The following ITPR1 variants were observed in gnomAD, a reference collection of about 807,000 sequenced individuals.
ITPR1 encodes inositol 1,4,5-trisphosphate-gated calcium channel ITPR1.
Under a neutral mutation model 318.4 loss-of-function variants are expected in ITPR1, and 96 were observed. The observed-to-expected ratio is 0.30, with a 90% confidence interval of 0.26 to 0.36. The LOEUF is 0.36. ITPR1 is among the 10% of genes least tolerant of loss of function. ITPR1 has a pLI of 1.00. For missense variants in ITPR1, 2,440 were observed against 3,460.2 expected (o/e 0.71, Z 7.40); for synonymous variants, 1,312 against 1,289.9 (o/e 1.02, Z -0.37).
At chr3:4,810,329 C>T (rs1298095546) in intron 55 of ITPR1, among the ~76,000 whole-genome samples, 1 of 152,178 alleles carries the variant, frequency 6.6e-6, no homozygotes, top group Non-Finnish European at 1.5e-5. Flanking sequence ...CCCCACACTC[C>T]CCACCATTCT....
intron 57 of ITPR1, among the ~76,000 whole-genome samples, chr3:4,814,119 T>G (rs2049122846): frequency 1.3e-5 from 2 of 152,144 alleles, no homozygotes; most frequent in South Asian, 4.1e-4. Context: ...TCATCTGACA[T>G]GAAAAGACTG....
intron 20 of ITPR1, among the ~76,000 whole-genome samples, chr3:4,672,366 C>G (rs1271536822): frequency 6.6e-6 from 1 of 152,242 alleles, no homozygotes; most frequent in Non-Finnish European, 1.5e-5. Context: ...CATGTCTACA[C>G]TTGCATTTCC....
At chr3:4,733,281 T>C in intron 43 of ITPR1, 61 bp downstream of exon 43, 1 of 1,578,092 alleles carries the variant, frequency 6.3e-7, no homozygotes, top group Non-Finnish European at 8.7e-7. Flanking sequence ...GATAGCTGCA[T>C]GTTTCCTCCT....
Position 4,702,917 on chromosome 3 carries a change from G to A in ITPR1, c.4624G>A (p.Val1542Met). 4 of 1,613,980 alleles carry A rather than the reference G, an allele frequency of 2.5e-6. No homozygotes were observed. The highest frequency in any genetic ancestry group is 3.4e-6 in the Non-Finnish European group (4 of 1,179,860). ...NWLMPSQKASVESCIRVLSDV... is the reference protein window; with the variant it reads ...NWLMPSQKASMESCIRVLSDV... ...GTTAATGCCAAGCCAAAAAGCCTCC[G>A]TGGAGAGCTGTATTCGGGTGCTGTC... Residue 1542 changes from valine to methionine, a missense_variant, in exon 36 of 62, where the codon GTG (valine) becomes ATG (methionine). Val to Met is a conservative substitution (Grantham distance 21). This residue lies in a region of ITPR1 where 166 missense variants were observed against 246.5 expected (regional missense o/e 0.67). Coordinates refer to ENST00000649015, the MANE Select transcript of ITPR1 (RefSeq NM_001378452.1).
intron 2 of ITPR1, among the ~76,000 whole-genome samples, chr3:4,508,362 G>A (rs908230138): frequency 2.0e-5 from 3 of 151,652 alleles, no homozygotes; most frequent in African/African-American, 7.3e-5. Flanking sequence ...GATCCCTTAG[G>A]TAACTTATTG....
At chr3:4,516,771 A>G (rs1210646927) in intron 3 of ITPR1, among the ~76,000 whole-genome samples, 188 bp downstream of exon 3, 1 of 152,246 alleles carries the variant, frequency 6.6e-6, no homozygotes, top group Non-Finnish European at 1.5e-5. Flanking sequence ...AATTTTCTGT[A>G]TATTTCTGAA....
intron 44 of ITPR1, among the ~76,000 whole-genome samples, chr3:4,762,741 C>T (rs1186677346): frequency 6.6e-6 from 1 of 152,202 alleles, no homozygotes; most frequent in East Asian, 1.9e-4. Context: ...AAAACCTGCC[C>T]TGCTAATTCC....
rs2125171533 is a variant in ITPR1, at chr3:4,652,223, G to A, written c.951+5G>A. ...GGGCATTACTTGGCAGCAGAGGTAA[G>A]TAGCAGCTCCTGTGGTTTTCTCTTT... On this transcript the variant is annotated splice_donor_5th_base_variant and intron_variant, in intron 11 of 61. Coordinates refer to ENST00000649015, the MANE Select transcript of ITPR1 (RefSeq NM_001378452.1). 1 of 1,604,700 alleles carries A rather than the reference G, an allele frequency of 6.2e-7. No individual in the cohort carries two copies. Among genetic ancestry groups the A allele is most frequent in the East Asian group, 2.2e-5 (1 of 44,660 alleles).
intron 44 of ITPR1, among the ~76,000 whole-genome samples, chr3:4,746,457 G>C (rs760051284): frequency 4.6e-4 from 70 of 152,164 alleles, no homozygotes; most frequent in Non-Finnish European, 6.6e-4. Context: ...GCTTCATGTG[G>C]GACGTGCCCT....
intron 49 of ITPR1, among the ~76,000 whole-genome samples, chr3:4,781,475 A>G (rs1430585404): frequency 6.6e-6 from 1 of 152,098 alleles, no homozygotes; most frequent in Non-Finnish European, 1.5e-5. Context: ...GCTCTCAAGA[A>G]ACTGAGACAG....
intron 10 of ITPR1, among the ~76,000 whole-genome samples, chr3:4,646,819 A>G (rs1208909066): frequency 6.6e-6 from 1 of 152,112 alleles, no homozygotes; most frequent in African/African-American, 2.4e-5. Context: ...CATGAATTAG[A>G]ATTCTAATTC....
In ITPR1 at chr3:4,691,364, G is replaced by A. The variant is rs2125245727; in HGVS notation, c.4029+20G>A. ...GCCGAGGTGATTGTTATATATTTCT[G>A]TATACCTCCATCTGGTGTTCTGTAG... On this transcript the variant is annotated intron_variant, in intron 32 of 61. Coordinates refer to ENST00000649015, the MANE Select transcript of ITPR1 (RefSeq NM_001378452.1). 14 of 1,514,058 alleles carry A rather than the reference G, an allele frequency of 9.2e-6. No homozygotes were observed. Among genetic ancestry groups the A allele is most frequent in the East Asian group, 2.3e-5 (1 of 44,298 alleles). 93.8% of individuals were successfully genotyped at this position (1,514,058 alleles called of 1,614,324 possible).
At chr3:4,843,074 G>GTTTTTTTTTTTTTTTTTT (rs11404208) in intron 61 of ITPR1, among the ~76,000 whole-genome samples, 2 of 105,448 alleles carry the variant, frequency 1.9e-5, no homozygotes, top group African/African-American at 7.1e-5. Context: ...GTTTTGAGGG[G>GTTTTTTTTTTTTTTTTTT]TTTTTTTTTT....
At chr3:4,546,444 C>G (rs1033163830) in intron 4 of ITPR1, among the ~76,000 whole-genome samples, 1 of 152,134 alleles carries the variant, frequency 6.6e-6, no homozygotes, top group African/African-American at 2.4e-5. Context: ...GAATTCTAGC[C>G]AGAGGTAGAG....
intron 4 of ITPR1, among the ~76,000 whole-genome samples, chr3:4,584,645 C>T (rs1443227023): frequency 2.0e-5 from 3 of 151,600 alleles, no homozygotes; most frequent in African/African-American, 7.3e-5. Context: ...TCCCAGAATG[C>T]GGAGGCTGCC....
Position 4,779,796 on chromosome 3 carries a change from G to C in ITPR1, c.6387+151G>C, listed in dbSNP as rs1011275847. 6.6e-6 allele frequency among the ~76,000 whole-genome samples: 1 copy of C among 151,698 alleles called. No homozygotes were observed. Among genetic ancestry groups the C allele is most frequent in the African/African-American group, 2.4e-5 (1 of 41,296 alleles). On this transcript the variant is annotated intron_variant, in intron 49 of 61. Transcript: ENST00000649015. This position sits in a 1 kb window ranked among gnomAD's most constrained non-coding sequence, Gnocchi z 4.0. Reference sequence around the variant, plus strand: ...TTGAATTCAGGCCTCTGACTGAGTAGAGAAGTGAAATATTTTGGTTGGTGC... The same window carrying C: ...TTGAATTCAGGCCTCTGACTGAGTACAGAAGTGAAATATTTTGGTTGGTGC...
intron 60 of ITPR1, among the ~76,000 whole-genome samples, chr3:4,834,650 T>G (rs1026244114): frequency 1.3e-5 from 2 of 152,150 alleles, no homozygotes; most frequent in African/African-American, 2.4e-5. Context: ...GGCTACTTCC[T>G]TGGTGGGAAG....
chr3:4,602,033 C>CA (rs2091324689), intron 4 of ITPR1, among the ~76,000 whole-genome samples: 1 of 152,084 alleles, frequency 6.6e-6, no homozygotes, highest in Non-Finnish European at 1.5e-5. Context: ...AAAAGATGTA[C>CA]AATAATAAGC....
At chr3:4,792,227 C>G (rs1163509977) in intron 52 of ITPR1, among the ~76,000 whole-genome samples, 1 of 152,214 alleles carries the variant, frequency 6.6e-6, no homozygotes, top group Non-Finnish European at 1.5e-5. Context: ...ACCTCCCCAC[C>G]TCACATCCTT....
Sources: gnomAD v4.1 joint callset for allele counts (sites outside exome capture counted in the v4.1 genomes callset) on GRCh38, gnomAD v4.1.1 for gene constraint, gnomAD v4.1.1 regional missense constraint, Gnocchi (gnomAD v3.1) non-coding constraint, MANE v1.5 for transcripts, NCBI Gene and HGNC (gene_info 2026-07-23, HGNC 2026-07-21) for gene names.